The following SDK1 variants were observed in gnomAD, a reference collection of about 807,000 sequenced individuals.
SDK1 encodes the protein protein sidekick-1.
SDK1 carries 157 observed loss-of-function variants against 245.5 expected under a neutral mutation model. The ratio of observed to expected loss-of-function variants is 0.64; its 90% CI spans 0.56 to 0.73. The LOEUF is 0.73. Ranked by LOEUF, SDK1 falls within the 30% of genes least tolerant of loss-of-function variation. The pLI is 0.00. For synonymous variants in SDK1, 1,647 were observed against 1,278.5 expected, an observed-to-expected ratio of 1.29 and a Z score of -6.15; for missense variants, 3,583 against 3,002.3, an observed-to-expected ratio of 1.19 and a Z score of -4.52.
chr7:4,140,303 G>T (rs915859376), intron 28 of SDK1, among the ~76,000 whole-genome samples: 2 of 152,158 alleles, frequency 1.3e-5, no homozygotes, highest in African/African-American at 4.8e-5. Flanking sequence ...ACTCCCCAAG[G>T]CTCTTCCCGA....
At chr7:3,519,195 G>A (rs1341062103) in intron 1 of SDK1, among the ~76,000 whole-genome samples, 3 of 152,102 alleles carry the variant, frequency 2.0e-5, no homozygotes, top group Admixed American at 1.3e-4. Flanking sequence ...ACTCCAGCTA[G>A]ATAGGAAGAA....
chr7:4,259,298 G>A (rs1444180532), intron 44 of SDK1, among the ~76,000 whole-genome samples: 2 of 152,308 alleles, frequency 1.3e-5, no homozygotes, highest in African/African-American at 2.4e-5. Flanking sequence ...AATTAGCCAG[G>A]TGTGGTGGCG....
intron 1 of SDK1, among the ~76,000 whole-genome samples, chr7:3,340,565 A>G (rs1195142694): frequency 6.6e-6 from 1 of 152,180 alleles, no homozygotes; most frequent in Non-Finnish European, 1.5e-5. Context: ...GATCGAGACC[A>G]TCCTGGCTAA....
chr7:3,787,794 C>A (rs542862218), intron 4 of SDK1, among the ~76,000 whole-genome samples: 2 of 152,304 alleles, frequency 1.3e-5, no homozygotes, highest in South Asian at 4.1e-4. Flanking sequence ...TCTGCTGTCC[C>A]TCACCTGTTC....
intron 5 of SDK1, among the ~76,000 whole-genome samples, chr7:3,856,281 G>GA (rs1165857000): frequency 5.3e-5 from 8 of 151,772 alleles, no homozygotes; most frequent in East Asian, 3.9e-4. Flanking sequence ...AACTACTGGA[G>GA]AAAAAAATAA....
intron 1 of SDK1, among the ~76,000 whole-genome samples, chr7:3,346,807 G>GTATATA (rs778210658): frequency 2.4e-5 from 1 of 42,250 alleles, no homozygotes; most frequent in African/African-American, 1.0e-4. Flanking sequence ...GTGTGTGTGT[G>GTATATA]TATATATATA....
intron 25 of SDK1, among the ~76,000 whole-genome samples, chr7:4,116,434 C>T (rs558261620): frequency 6.6e-6 from 1 of 152,334 alleles, no homozygotes; most frequent in South Asian, 2.1e-4. Context: ...GTGCCACCCG[C>T]TCTGTGTGCC....
chr7:3,480,317 G>A (rs566907568), intron 1 of SDK1, among the ~76,000 whole-genome samples: 1 of 152,312 alleles, frequency 6.6e-6, no homozygotes, highest in Admixed American at 6.5e-5. Context: ...AGGAAATGGA[G>A]CCGCGAGGCC....
chr7:3,958,351 A>G (rs1311784457), intron 7 of SDK1: 5 of 258,210 alleles, frequency 1.9e-5, no homozygotes, highest in Non-Finnish European at 3.8e-5. Context: ...GGAACGGGCG[A>G]GTGGAGTATC....
intron 42 of SDK1, among the ~76,000 whole-genome samples, chr7:4,238,983 C>T (rs1786359224): frequency 6.6e-6 from 1 of 152,170 alleles, no homozygotes; most frequent in African/African-American, 2.4e-5. Context: ...GAGACTGTCA[C>T]AGAAGCATCT....
chr7:3,499,925 A>T (rs1227561544), intron 1 of SDK1, among the ~76,000 whole-genome samples: 1 of 152,222 alleles, frequency 6.6e-6, no homozygotes, highest in East Asian at 1.9e-4. Flanking sequence ...GGGCCATTAT[A>T]GGGTGAAAGG....
intron 1 of SDK1, among the ~76,000 whole-genome samples, chr7:3,489,309 G>C (rs909423937): frequency 6.6e-6 from 1 of 152,136 alleles, no homozygotes; most frequent in Admixed American, 6.6e-5. Context: ...TATTCCTTCA[G>C]GTGTAACTTA....
chr7:4,045,886 G>A (rs1034026061), intron 17 of SDK1, among the ~76,000 whole-genome samples: 3 of 152,008 alleles, frequency 2.0e-5, no homozygotes, highest in Admixed American at 1.3e-4. Context: ...TTCTTTTTGC[G>A]TACATTTTTG....
rs764038641 is a variant in SDK1 at position 4,205,918 on chromosome 7, T to A, written c.5138T>A (p.Leu1713His). 2.6e-6 allele frequency: 4 copies of A among 1,560,020 alleles called. No individual in the cohort carries two copies. The highest frequency in any genetic ancestry group is 1.7e-6 in the Non-Finnish European group (2 of 1,151,380). Reference protein sequence around the residue: ...MAPQNVQVTPLTASQLEVTWD... With the variant: ...MAPQNVQVTPHTASQLEVTWD... ...CCGCAGAACGTGCAGGTGACCCCAC[T>A]CACGGCCAGCCAGCTGGAGGTCACG... The change falls in exon 36 of 45, where the codon CTC becomes CAC. Residue 1713 changes from leucine (L) to histidine (H), a missense_variant. Coordinates refer to ENST00000404826, the MANE Select transcript of SDK1 (RefSeq NM_152744.4).
At chr7:3,625,388 A>G (rs1034531218) in intron 2 of SDK1, among the ~76,000 whole-genome samples, 1 of 152,330 alleles carries the variant, frequency 6.6e-6, no homozygotes, top group Non-Finnish European at 1.5e-5. Context: ...CAATATTTGC[A>G]ACAAATCAGA....
rs1279340661 is a variant in SDK1, at chr7:3,521,275, A to C, written c.299-97805A>C. ...TTCTGCTTTAAGAGATCATGTGATT[A>C]GATTGGGGCCAGCCAAGTAATCCAG... is the stretch of plus-strand genomic sequence containing the variant. On this transcript the variant is annotated intron_variant, in intron 1 of 44. Transcript: ENST00000404826. Among the ~76,000 whole-genome samples the C allele has an allele frequency of 2.6e-5, 4 of 152,178 alleles. 1 individual carries two copies. The highest frequency in any genetic ancestry group is 5.9e-5 in the Non-Finnish European group (4 of 68,026).
intron 1 of SDK1, among the ~76,000 whole-genome samples, chr7:3,439,274 AC>A (rs1462196583): frequency 2.0e-5 from 3 of 152,200 alleles, no homozygotes; most frequent in African/African-American, 7.2e-5. Context: ...CCCTGAGTGA[AC>A]ATTTCATCTA....
intron 19 of SDK1, among the ~76,000 whole-genome samples, chr7:4,053,397 C>T (rs544913541): frequency 6.6e-6 from 1 of 152,200 alleles, no homozygotes; most frequent in East Asian, 1.9e-4. Context: ...TATGGCCTTT[C>T]TAAGGGTCCT....
intron 1 of SDK1, among the ~76,000 whole-genome samples, chr7:3,558,319 T>C (rs540564795): frequency 6.6e-5 from 10 of 152,238 alleles, no homozygotes; most frequent in Non-Finnish European, 1.5e-4. Flanking sequence ...ACACATTCTT[T>C]TTATTTCCAT....
Sources: gnomAD v4.1 joint callset for allele counts (sites outside exome capture counted in the v4.1 genomes callset) on GRCh38, gnomAD v4.1.1 for gene constraint, MANE v1.5 for transcripts, NCBI Gene and HGNC (gene_info 2026-07-23, HGNC 2026-07-21) for gene names.